Variants in OXCT1 observed in about 807,000 individuals in gnomAD.
OXCT1 encodes succinyl-CoA:3-ketoacid coenzyme A transferase 1, mitochondrial.
A neutral mutation model predicts 69.6 loss-of-function variants in OXCT1; 27 were observed. The ratio of observed to expected loss-of-function variants is 0.39; its 90% CI spans 0.29 to 0.54. The LOEUF (loss-of-function observed/expected upper bound fraction) is 0.54, where lower values mean the gene tolerates loss of function less well. Ranked by LOEUF, OXCT1 falls within the 20% of genes least tolerant of loss-of-function variation. The probability of loss-of-function intolerance (pLI) is 0.72; values close to 1 mark genes in which losing one functional copy is unlikely to be tolerated. For missense variants in OXCT1, 437 were observed against 650.2 expected (o/e 0.67, Z 3.57); for synonymous variants, 202 against 217.8 (o/e 0.93, Z 0.64).
intron 7 of OXCT1, among the ~76,000 whole-genome samples, chr5:41,824,428 G>A (rs915747181): frequency 6.6e-6 from 1 of 152,046 alleles, no homozygotes; most frequent in South Asian, 2.1e-4. Flanking sequence ...AGTCTACTTG[G>A]ACCATTTCAC....
At chr5:41,755,120 CCT>C (rs1255229538) in intron 14 of OXCT1, among the ~76,000 whole-genome samples, 1 of 152,010 alleles carries the variant, frequency 6.6e-6, no homozygotes, top group East Asian at 1.9e-4. Context: ...CCTTAGAAAG[CCT>C]CTGTTAGCAT....
chr5:41,836,025 T>C (rs1432257421), intron 7 of OXCT1, among the ~76,000 whole-genome samples: 1 of 152,120 alleles, frequency 6.6e-6, no homozygotes, highest in Non-Finnish European at 1.5e-5. Flanking sequence ...GAGGGGCTCA[T>C]AGGGAGTTGA....
chr5:41,796,368 C>G (rs1746180401), intron 11 of OXCT1, among the ~76,000 whole-genome samples: 2 of 152,178 alleles, frequency 1.3e-5, no homozygotes, highest in Admixed American at 1.3e-4. Context: ...ACACCCCATG[C>G]ATGGCCTCAG....
chr5:41,773,388 A>G (rs1744966998), intron 13 of OXCT1, among the ~76,000 whole-genome samples: 1 of 151,656 alleles, frequency 6.6e-6, no homozygotes, highest in Non-Finnish European at 1.5e-5. Flanking sequence ...TAGCCTGGGC[A>G]ACATGGTAAA....
At chr5:41,828,009 A>T (rs1484100108) in intron 7 of OXCT1, among the ~76,000 whole-genome samples, 1 of 152,230 alleles carries the variant, frequency 6.6e-6, no homozygotes, top group East Asian at 1.9e-4. Context: ...TCTGCCAGCC[A>T]GCAGGAGCTA....
chr5:41,812,508 G>A lies in OXCT1; in HGVS notation c.733-5070C>T, dbSNP rs115353225. On this transcript the variant is annotated intron_variant, in intron 7 of 16. Transcript: ENST00000196371. ...CCACAAAAGAGACACGTATGACCTA[G>A]GACAAATGGAAGTCAAGAGACCTTA... Among the ~76,000 whole-genome samples the A allele has an allele frequency of 8.4e-3, 1,277 of 152,048 alleles. 21 individuals carry two copies. The highest frequency in any genetic ancestry group is 0.029 in the African/African-American group (1,224 of 41,506).
intron 7 of OXCT1, among the ~76,000 whole-genome samples, chr5:41,823,845 T>A (rs987190696): frequency 3.3e-5 from 5 of 152,232 alleles, no homozygotes; most frequent in Non-Finnish European, 2.9e-5. Flanking sequence ...TTCCTAAATG[T>A]GAAGGTTCTC....
chr5:41,769,361 C>T (rs556357826), intron 13 of OXCT1, among the ~76,000 whole-genome samples: 13 of 152,136 alleles, frequency 8.5e-5, no homozygotes, highest in Non-Finnish European at 1.3e-4. Flanking sequence ...CATCTGTTCT[C>T]AAATCTGTTC....
At chr5:41,745,087 C>T (rs933216429) in intron 15 of OXCT1, among the ~76,000 whole-genome samples, 5 of 152,208 alleles carry the variant, frequency 3.3e-5, no homozygotes, top group Middle Eastern at 3.4e-3. Flanking sequence ...CCCAAATCAA[C>T]AGAATATACA....
At chr5:41,849,885 A>T (rs1579875737) in intron 5 of OXCT1, 145 bp downstream of exon 5, 2 of 830,748 alleles carry the variant, frequency 2.4e-6, no homozygotes, top group East Asian at 5.1e-5. Context: ...GCCCAGATTT[A>T]GCTAGAAATT....
At chr5:41,802,997 A>T (rs1746494556) in intron 10 of OXCT1, 72 bp downstream of exon 10, 1 of 1,126,424 alleles carries the variant, frequency 8.9e-7, no homozygotes, top group Non-Finnish European at 1.3e-6. Flanking sequence ...AAAATTTAAT[A>T]AAAAATTTCA....
At chr5:41,750,383 A>C (rs1743721667) in intron 14 of OXCT1, among the ~76,000 whole-genome samples, 1 of 151,828 alleles carries the variant, frequency 6.6e-6, no homozygotes, top group African/African-American at 2.4e-5. Flanking sequence ...CTGGCCTCTG[A>C]GGCATGTCTG....
At chr5:41,832,830 A>G (rs1235631884) in intron 7 of OXCT1, among the ~76,000 whole-genome samples, 3 of 152,206 alleles carry the variant, frequency 2.0e-5, no homozygotes, top group Non-Finnish European at 4.4e-5. Flanking sequence ...TAAAAGAATC[A>G]AGCAGAAATT....
intron 5 of OXCT1, among the ~76,000 whole-genome samples, chr5:41,848,287 A>G (rs528483909): frequency 7.5e-4 from 114 of 151,402 alleles, no homozygotes; most frequent in Admixed American, 3.9e-3. Flanking sequence ...AAAAGAGGAT[A>G]CAAACAAATG....
intron 2 of OXCT1, among the ~76,000 whole-genome samples, chr5:41,861,802 T>G (rs1180359821): frequency 6.6e-6 from 1 of 152,240 alleles, no homozygotes. Flanking sequence ...AACTGTCATT[T>G]CTTTATATTT....
At chr5:41,839,837 CAAGTT>C (rs1748542725) in intron 7 of OXCT1, among the ~76,000 whole-genome samples, 1 of 152,170 alleles carries the variant, frequency 6.6e-6, no homozygotes, top group Admixed American at 6.5e-5. Flanking sequence ...CTCAAAGCCT[CAAGTT>C]AAGAACCATT....
At chr5:41,839,866 G>A (rs940910766) in intron 7 of OXCT1, among the ~76,000 whole-genome samples, 1 of 152,140 alleles carries the variant, frequency 6.6e-6, no homozygotes, top group African/African-American at 2.4e-5. Context: ...AGTCTTCTTT[G>A]AGGTTCAATA....
At chr5:41,839,294 A>G (rs905218563) in intron 7 of OXCT1, among the ~76,000 whole-genome samples, 11 of 152,242 alleles carry the variant, frequency 7.2e-5, no homozygotes, top group Non-Finnish European at 1.5e-5. Context: ...TGTACTCTGG[A>G]AAGAAATACT....
chr5:41,820,870 G>A (rs1264739255), intron 7 of OXCT1, among the ~76,000 whole-genome samples: 1 of 152,136 alleles, frequency 6.6e-6, no homozygotes, highest in East Asian at 1.9e-4. Flanking sequence ...AAGAAGTGGA[G>A]AGGGATTGGG....
Sources: allele counts gnomAD v4.1 joint callset (sites outside exome capture counted in the v4.1 genomes callset), GRCh38; gene constraint gnomAD v4.1.1; transcripts MANE v1.5; gene names NCBI Gene and HGNC (gene_info 2026-07-23, HGNC 2026-07-21).